BCAP29: variants seen among roughly 807,000 people sequenced by gnomAD.
The protein encoded by BCAP29 is B-cell receptor-associated protein 29.
Under a neutral mutation model 31.8 loss-of-function variants are expected in BCAP29, and 34 were observed. That is an observed-to-expected ratio of 1.07 (90% confidence interval 0.81 to 1.42). The LOEUF (loss-of-function observed/expected upper bound fraction) is 1.42. Among genes scored for constraint, BCAP29 ranks in the 40% most tolerant of loss-of-function variants. BCAP29 has a pLI of 0.00. For synonymous variants in BCAP29, 104 were observed against 91.3 expected (o/e 1.14, Z -0.79); for missense variants, 314 against 269.2 (o/e 1.17, Z -1.16).
intron 6 of BCAP29, among the ~76,000 whole-genome samples, chr7:107,603,079 C>T (rs1326495378): frequency 1.3e-5 from 2 of 150,578 alleles, no homozygotes; most frequent in Non-Finnish European, 2.9e-5. Flanking sequence ...ACGCCATTCT[C>T]CAGCCTCAGC....
intron 3 of BCAP29, among the ~76,000 whole-genome samples, chr7:107,593,299 T>A (rs1214919081): frequency 6.6e-6 from 1 of 152,184 alleles, no homozygotes; most frequent in Non-Finnish European, 1.5e-5. Context: ...ATGTAGACCC[T>A]TATAAGCTGA....
chr7:107,591,161 T>G (rs1808682051), intron 3 of BCAP29, among the ~76,000 whole-genome samples: 1 of 152,214 alleles, frequency 6.6e-6, no homozygotes, highest in Admixed American at 6.5e-5. Flanking sequence ...GAATACTCAA[T>G]ATTATTAAAA....
chr7:107,621,819 T>C (rs577728494), downstream of BCAP29: 5 of 509,796 alleles, frequency 9.8e-6, no homozygotes, highest in Admixed American at 2.1e-5. Context: ...AAAACTGATA[T>C]TGGACTTCCT....
chr7:107,622,832 G>A (rs1294253812), downstream of BCAP29: 1 of 152,238 alleles, frequency 6.6e-6, no homozygotes, highest in Non-Finnish European at 1.5e-5. Context: ...GAATGTCAGT[G>A]TTGCCAAGGT....
chr7:107,623,233 A>G (rs1348504579), downstream of BCAP29: 1 of 152,172 alleles, frequency 6.6e-6, no homozygotes, highest in Non-Finnish European at 1.5e-5. Context: ...AAAGCCATAA[A>G]TATGTTTGTC....
chr7:107,623,001 A>G (rs185436022), downstream of BCAP29: 405 of 152,276 alleles, frequency 2.7e-3, 1 homozygote, highest in Non-Finnish European at 4.7e-3. Context: ...CTTGTATGTA[A>G]GTGGAAATAG....
intron 6 of BCAP29, among the ~76,000 whole-genome samples, chr7:107,601,305 T>C (rs1466200017): frequency 6.6e-6 from 1 of 152,168 alleles, no homozygotes; most frequent in South Asian, 2.1e-4. Context: ...TTTCAGTTGG[T>C]GTTAAGGTAC....
At chr7:107,609,857 T>C (rs1028384316) in intron 6 of BCAP29, among the ~76,000 whole-genome samples, 6 of 152,238 alleles carry the variant, frequency 3.9e-5, no homozygotes, top group African/African-American at 1.4e-4. Context: ...ACACTAGACA[T>C]ATGGAAATTT....
chr7:107,622,214 G>C (rs1409833800), downstream of BCAP29: 1 of 174,452 alleles, frequency 5.7e-6, no homozygotes, highest in Non-Finnish European at 1.2e-5. Context: ...CAGCCACCTG[G>C]TTTAAAACAA....
At chr7:107,606,570 T>A (rs1310317599) in intron 6 of BCAP29, among the ~76,000 whole-genome samples, 2 of 152,208 alleles carry the variant, frequency 1.3e-5, no homozygotes, top group Non-Finnish European at 2.9e-5. Context: ...ACAAGTGTGC[T>A]ATGTAAAATG....
chr7:107,612,947 G>A (rs1403068397), intron 6 of BCAP29, among the ~76,000 whole-genome samples: 1 of 152,100 alleles, frequency 6.6e-6, no homozygotes, highest in Non-Finnish European at 1.5e-5. Flanking sequence ...ACTAGCAGTG[G>A]AGAAAATGCT....
intron 6 of BCAP29, among the ~76,000 whole-genome samples, chr7:107,608,017 C>T (rs982721902): frequency 6.6e-6 from 1 of 152,092 alleles, no homozygotes; most frequent in African/African-American, 2.4e-5. Flanking sequence ...ATCAAGAGTA[C>T]ATATTATTAA....
intron 7 of BCAP29, chr7:107,615,492 A>T (rs2129292420): frequency 1.2e-5 from 4 of 341,314 alleles, no homozygotes; most frequent in South Asian, 9.3e-5. Flanking sequence ...GCTACTCGGG[A>T]GGCTGAGGCA....
chr7:107,592,890 G>T (rs1809135817), intron 3 of BCAP29, among the ~76,000 whole-genome samples: 1 of 152,224 alleles, frequency 6.6e-6, no homozygotes, highest in Non-Finnish European at 1.5e-5. Flanking sequence ...TAGTTCTGTA[G>T]AGACAGAAAG....
intron 2 of BCAP29, among the ~76,000 whole-genome samples, chr7:107,583,152 A>G (rs764141547): frequency 6.6e-6 from 1 of 152,032 alleles, no homozygotes; most frequent in Non-Finnish European, 1.5e-5. Flanking sequence ...TACCTTTCCT[A>G]TTGCGTGATG....
intron 7 of BCAP29, among the ~76,000 whole-genome samples, chr7:107,617,743 G>C (rs931592901): frequency 6.6e-6 from 1 of 152,180 alleles, no homozygotes; most frequent in Non-Finnish European, 1.5e-5. Flanking sequence ...GCCTGAACAA[G>C]AGCTTGACGA....
downstream of BCAP29, chr7:107,621,644 A>G (rs1814981312): frequency 2.1e-6 from 1 of 466,612 alleles, no homozygotes; most frequent in African/African-American, 2.0e-5. Context: ...AAAGGGAGAT[A>G]TTACCACACA....
intron 3 of BCAP29, among the ~76,000 whole-genome samples, chr7:107,586,104 G>A (rs993875846): frequency 1.3e-5 from 2 of 152,132 alleles, no homozygotes; most frequent in Non-Finnish European, 2.9e-5. Flanking sequence ...ATTCCAGGGA[G>A]GGATTAGTAC....
At chr7:107,580,611 C>T (rs1478429007) in intron 1 of BCAP29, 148 bp from the exon 2 acceptor site, 4 of 579,226 alleles carry the variant, frequency 6.9e-6, no homozygotes, top group South Asian at 2.2e-5. Context: ...CACCCTTTTC[C>T]CCTTCCTGAC....
Sources: allele counts gnomAD v4.1 joint callset (sites outside exome capture counted in the v4.1 genomes callset), GRCh38; gene constraint gnomAD v4.1.1; transcripts MANE v1.5; gene names NCBI Gene and HGNC (gene_info 2026-07-23, HGNC 2026-07-21).